ODR4: variants seen among roughly 807,000 people sequenced by gnomAD.
ODR4 encodes the protein protein odr-4 homolog.
ODR4 carries 47 observed loss-of-function variants against 60.2 expected under a neutral mutation model. That is an observed-to-expected ratio of 0.78 (90% CI 0.62 to 1.00). ODR4 has a LOEUF of 1.00. ODR4 is among the 50% of genes least tolerant of loss of function. ODR4 has a pLI of 0.00. For missense variants in ODR4, 488 were observed against 530.8 expected (o/e 0.92, Z 0.79); for synonymous variants, 178 against 175.5 (o/e 1.01, Z -0.11).
intron 3 of ODR4, among the ~76,000 whole-genome samples, chr1:186,383,527 TA>T (rs1397071135): frequency 6.6e-6 from 1 of 152,130 alleles, no homozygotes; most frequent in Admixed American, 6.5e-5. Flanking sequence ...ATGGCACACG[TA>T]AACCTATGTG....
chr1:186,420,735 G>C lies in ODR4; in HGVS notation c.*1659G>C, dbSNP rs1048869085. 6.6e-6 allele frequency: 1 copy of C among 152,118 alleles called. No individual in the cohort carries two copies. Among genetic ancestry groups the C allele is most frequent in the South Asian group, 2.1e-4 (1 of 4,830 alleles). 9.4% of individuals were successfully genotyped at this position (152,118 alleles called of 1,614,324 possible). A position where few individuals can be genotyped will look rare whatever the true frequency, so the allele number is the denominator to read the frequency against. On this transcript the variant is annotated 3_prime_UTR_variant, in exon 14 of 14. Transcript: ENST00000287859. Reference sequence around the variant, plus strand: ...AGTGAGCAGTGAGGAGAAACAAGGAGCTAGAAAACATTGGAAAGTTAAGAG... The same window carrying C: ...AGTGAGCAGTGAGGAGAAACAAGGACCTAGAAAACATTGGAAAGTTAAGAG...
At chr1:186,385,501 A>G (rs914302314) in intron 3 of ODR4, among the ~76,000 whole-genome samples, 9 of 151,762 alleles carry the variant, frequency 5.9e-5, no homozygotes, top group African/African-American at 1.9e-4. Flanking sequence ...CTGCCTTTGA[A>G]GTATCCAGTA....
chr1:186,406,523 A>G (rs552502048), intron 12 of ODR4, among the ~76,000 whole-genome samples: 3 of 152,198 alleles, frequency 2.0e-5, no homozygotes, highest in Admixed American at 1.3e-4. Flanking sequence ...GTAGATCTTA[A>G]TAAAACAAGT....
At chr1:186,380,840 T>C (rs1372834180) in intron 2 of ODR4, among the ~76,000 whole-genome samples, 1 of 152,262 alleles carries the variant, frequency 6.6e-6, no homozygotes, top group East Asian at 1.9e-4. Flanking sequence ...TTATAAAGAA[T>C]ACACTGTCCA....
At chr1:186,385,781 C>T (rs534887211) in intron 3 of ODR4, among the ~76,000 whole-genome samples, 3 of 151,908 alleles carry the variant, frequency 2.0e-5, no homozygotes, top group Non-Finnish European at 4.4e-5. Context: ...GATGGTGGGA[C>T]GCCATTGAAA....
At chr1:186,400,577 G>C (rs1342391391) in intron 11 of ODR4, 1 of 160,736 alleles carries the variant, frequency 6.2e-6, no homozygotes. Context: ...ACCATGCCCA[G>C]CCCACATTAG....
At chr1:186,395,747 C>T (rs980990464) in intron 9 of ODR4, among the ~76,000 whole-genome samples, 1 of 152,170 alleles carries the variant, frequency 6.6e-6, no homozygotes, top group Non-Finnish European at 1.5e-5. Flanking sequence ...TTTATCTACT[C>T]TATCCTGTTT....
Position 186,379,881 on chromosome 1 carries a change from A to C in ODR4, c.96A>C (p.Gly32=). ...GKAFVSGLLI[G]QCSSQKDYVI... ...CTTTTGTCTCTGGCCTTTTAATAGG[A>C]CAGGTATGTATCTTTTACTCTGCAT... Residue 32 remains glycine (G), a synonymous_variant, in exon 2 of 14, where the codon GGA becomes GGC. Transcript: ENST00000287859. 6.4e-7 allele frequency: 1 copy of C among 1,552,824 alleles called. No individual in the cohort carries two copies. Among genetic ancestry groups the C allele is most frequent in the Non-Finnish European group, 8.8e-7 (1 of 1,135,332 alleles).
At chr1:186,411,858 A>C (rs1411509564) in intron 12 of ODR4, 1 of 978,320 alleles carries the variant, frequency 1.0e-6, no homozygotes, top group Non-Finnish European at 1.2e-6. Context: ...ATATTACAAG[A>C]ACAAAGGAAG....
chr1:186,433,363 T>A, the ODR4 span, among the ~76,000 whole-genome samples: 2 of 152,030 alleles, frequency 1.3e-5, no homozygotes, highest in Non-Finnish European at 2.9e-5. Flanking sequence ...TATAATTTAT[T>A]CCTTGAACAC....
intron 11 of ODR4, among the ~76,000 whole-genome samples, chr1:186,405,499 G>A (rs762407846): frequency 3.9e-5 from 6 of 152,164 alleles, no homozygotes; most frequent in African/African-American, 9.7e-5. Context: ...ACAGTGGGTC[G>A]TATAAGAATG....
Position 186,420,203 on chromosome 1 carries a change from T to A in ODR4, c.*1127T>A, listed in dbSNP as rs1442570734. On this transcript the variant is annotated 3_prime_UTR_variant, in exon 14 of 14. Transcript: ENST00000287859. Reference sequence around the variant, plus strand: ...ATACTGTATTGACCATACAAGTGGATTATGGTTGTCTGGATGGCAGATACC... The same window carrying A: ...ATACTGTATTGACCATACAAGTGGAATATGGTTGTCTGGATGGCAGATACC... The A allele has an allele frequency of 2.6e-5, 4 of 152,202 alleles. No individual in the cohort carries two copies. The East Asian group carries it at 7.7e-4, about 29-fold the overall frequency. 9.4% of individuals were successfully genotyped at this position (152,202 alleles called of 1,614,324 possible).
chr1:186,384,215 A>G (rs886284025), intron 3 of ODR4, among the ~76,000 whole-genome samples: 1 of 152,164 alleles, frequency 6.6e-6, no homozygotes, highest in Non-Finnish European at 1.5e-5. Flanking sequence ...GCTTCTGTTC[A>G]TGTCAGAAGG....
At chr1:186,376,262 G>C (rs1473280307) in intron 1 of ODR4, among the ~76,000 whole-genome samples, 1 of 152,110 alleles carries the variant, frequency 6.6e-6, no homozygotes, top group African/African-American at 2.4e-5. Flanking sequence ...TAAATTTTTC[G>C]TTGCAGAAAC....
intron 10 of ODR4, 33 bp downstream of exon 10, chr1:186,398,474 T>C (rs770925810): frequency 3.2e-6 from 5 of 1,550,494 alleles, no homozygotes; most frequent in Middle Eastern, 1.7e-4. Context: ...TATGGAACCA[T>C]GTTAACTATT....
chr1:186,422,546 G>A (rs1273517521), downstream of ODR4, among the ~76,000 whole-genome samples: 1 of 152,090 alleles, frequency 6.6e-6, no homozygotes, highest in Non-Finnish European at 1.5e-5. Flanking sequence ...CATGAGGCAA[G>A]TCACAAAACA....
chr1:186,414,271 A>T (rs185849254), intron 12 of ODR4, among the ~76,000 whole-genome samples: 20 of 152,278 alleles, frequency 1.3e-4, no homozygotes, highest in African/African-American at 4.8e-4. Context: ...GGGCAATGAA[A>T]TGTCTTTTAT....
chr1:186,421,395 A>T (rs1160255575), downstream of ODR4: 1 of 152,214 alleles, frequency 6.6e-6, no homozygotes, highest in South Asian at 2.1e-4. Context: ...ATTTTTAAAT[A>T]AGGATATAAT....
At position 186,388,532 on chromosome 1, in the gene ODR4, T is replaced by C. The variant is rs749238446; in HGVS notation, c.421T>C (p.Cys141Arg). ...EVSERVTLHI[C>R]ASTKKIFCRT... ...CTCAGAACGAGTGACACTTCACATTTGTGCTTCTACAAAAAAGTATCTTTT... is the reference window on the plus strand; with the variant it reads ...CTCAGAACGAGTGACACTTCACATTCGTGCTTCTACAAAAAAGTATCTTTT... The change falls in exon 5 of 14, where the codon TGT becomes CGT. Residue 141 changes from cysteine to arginine, a missense_variant. Coordinates refer to ENST00000287859, the MANE Select transcript of ODR4 (RefSeq NM_017847.6). The C allele has an allele frequency of 6.5e-7, 1 of 1,542,144 alleles. No homozygotes were observed. The highest frequency in any genetic ancestry group is 1.4e-5 in the African/African-American group (1 of 72,660).
Sources: allele counts gnomAD v4.1 joint callset (sites outside exome capture counted in the v4.1 genomes callset), GRCh38; gene constraint gnomAD v4.1.1; transcripts MANE v1.5; gene names NCBI Gene and HGNC (gene_info 2026-07-23, HGNC 2026-07-21).